SYNE1: variants seen among roughly 807,000 people sequenced by gnomAD.
The protein encoded by SYNE1 is spectrin repeat containing nuclear envelope protein 1.
In SYNE1, 616 loss-of-function variants were observed where a neutral mutation model predicts 1,111.0. That is an observed-to-expected ratio of 0.55 (90% confidence interval 0.52 to 0.59). SYNE1 has a LOEUF of 0.59. Among genes scored for constraint, SYNE1 ranks in the 20% least tolerant of loss-of-function variants. The pLI, the probability that SYNE1 is intolerant of heterozygous loss-of-function variation, is 0.00. For synonymous variants in SYNE1, 3,855 were observed against 3,825.8 expected (o/e 1.01, Z -0.28); for missense variants, 10,006 against 10,417.0 (o/e 0.96, Z 1.72).
chr6:152,249,098 T>C (rs2088327388), intron 105 of SYNE1, 63 bp downstream of exon 105: 3 of 1,133,036 alleles, frequency 2.6e-6, no homozygotes, highest in East Asian at 2.3e-5. Flanking sequence ...ATATTCAAAA[T>C]TTCATAGTAA....
rs78810354 is a variant in SYNE1 at position 152,313,346 on chromosome 6, G to A, written c.16711-2473C>T. ...TATTCTGTGACTAAGAATGCCTGAC[G>A]TGGGAATGCTACCCAATAGGTGTCA... On this transcript the variant is annotated intron_variant, in intron 87 of 145. Transcript: ENST00000367255. Among the ~76,000 whole-genome samples the A allele has an allele frequency of 6.3e-3, 965 of 152,152 alleles. 11 individuals carry two copies. The highest frequency in any genetic ancestry group is 0.022 in the African/African-American group (913 of 41,498).
chr6:152,439,171 T>C (rs995782964), intron 32 of SYNE1, among the ~76,000 whole-genome samples: 1 of 152,212 alleles, frequency 6.6e-6, no homozygotes, highest in Non-Finnish European at 1.5e-5. Flanking sequence ...TCCCAAAGCA[T>C]AGAAGACCAT....
At position 152,131,959 on chromosome 6, in the gene SYNE1, G is replaced by A. The variant is rs2295193; in HGVS notation, c.26094+163C>T. On this transcript the variant is annotated intron_variant, in intron 144 of 145. Transcript: ENST00000367255. ...ATCGCTCTTTTCCATTCCTGAGCGC[G>A]TGCTGGGAGGGGATGTGGCAGGGCT... 0.61 allele frequency among the ~76,000 whole-genome samples: 92,878 copies of A among 151,972 alleles called. 28,917 individuals are homozygous for A. Among genetic ancestry groups the A allele is most frequent in the East Asian group, 0.74 (3,794 of 5,150 alleles).
chr6:152,259,703 G>A (rs1470549003), intron 101 of SYNE1, among the ~76,000 whole-genome samples: 1 of 152,000 alleles, frequency 6.6e-6, no homozygotes, highest in Non-Finnish European at 1.5e-5. Flanking sequence ...CTTAAAATGT[G>A]CTCATTATAT....
chr6:152,282,973 T>C (rs964953445), intron 96 of SYNE1, among the ~76,000 whole-genome samples: 5 of 152,138 alleles, frequency 3.3e-5, no homozygotes, highest in Admixed American at 2.0e-4. Context: ...ATTCAGTTCA[T>C]ATAATAAGAA....
intron 126 of SYNE1, among the ~76,000 whole-genome samples, chr6:152,204,565 T>A (rs1410520510): frequency 6.6e-6 from 1 of 152,064 alleles, no homozygotes; most frequent in Non-Finnish European, 1.5e-5. Context: ...AAAAATAGAC[T>A]AAAATGAGGC....
In SYNE1 at chr6:152,440,999, T is replaced by C. The variant is rs11965569; in HGVS notation, c.4149+131A>G. 5.9e-3 allele frequency: 6,443 copies of C among 1,098,324 alleles called. 306 individuals are homozygous for C. In the African/African-American group the frequency reaches 0.091, roughly 16 times the overall value. 68.0% of individuals were successfully genotyped at this position (1,098,324 alleles called of 1,614,324 possible). A position where few individuals can be genotyped will look rare whatever the true frequency, so the allele number is the denominator to read the frequency against. On this transcript the variant is annotated intron_variant, in intron 32 of 145. Coordinates refer to ENST00000367255, the MANE Select transcript of SYNE1 (RefSeq NM_182961.4). ...TTCATTCTCCAATATGTTGAAAGAATGGGTCATCAATAAATAGTAAGTATT... is the reference window on the plus strand; with the variant it reads ...TTCATTCTCCAATATGTTGAAAGAACGGGTCATCAATAAATAGTAAGTATT...
chr6:152,126,587 C>CA (rs1211232073), intron 145 of SYNE1: 5 of 152,048 alleles, frequency 3.3e-5, no homozygotes, highest in Admixed American at 1.3e-4. Flanking sequence ...TTCTGTCCAG[C>CA]AAAAAACGTG....
intron 95 of SYNE1, among the ~76,000 whole-genome samples, chr6:152,290,974 T>C (rs970887208): frequency 8.6e-5 from 13 of 151,686 alleles, no homozygotes; most frequent in African/African-American, 3.1e-4. Flanking sequence ...AGATGAAATA[T>C]GTGATGATAC....
chr6:152,253,568 A>G (rs2089919492), intron 104 of SYNE1, among the ~76,000 whole-genome samples: 1 of 152,214 alleles, frequency 6.6e-6, no homozygotes, highest in African/African-American at 2.4e-5. Context: ...AGCTTTGGAG[A>G]CTACATGTTT....
chr6:152,435,644 T>C (rs2098467259), intron 33 of SYNE1: 1 of 429,188 alleles, frequency 2.3e-6, no homozygotes, highest in Non-Finnish European at 4.1e-6. Flanking sequence ...TTAGTTCTTT[T>C]TCAAGATTCC....
At chr6:152,155,286 T>C (rs1049699572) in intron 132 of SYNE1, 11 of 496,504 alleles carry the variant, frequency 2.2e-5, no homozygotes, top group African/African-American at 1.9e-4. Flanking sequence ...ATTAGTCAAA[T>C]TGAAAATTAC....
chr6:152,274,805 A>G (rs1283297751), intron 98 of SYNE1, among the ~76,000 whole-genome samples: 1 of 152,146 alleles, frequency 6.6e-6, no homozygotes, highest in Non-Finnish European at 1.5e-5. Context: ...TATGTTGGCT[A>G]GGCTGGTCTC....
chr6:152,262,600 A>G (rs1223618371), intron 100 of SYNE1, among the ~76,000 whole-genome samples: 1 of 152,296 alleles, frequency 6.6e-6, no homozygotes, highest in East Asian at 1.9e-4. Context: ...GGAGGGTACA[A>G]CAGGACACAG....
intron 73 of SYNE1, among the ~76,000 whole-genome samples, chr6:152,344,875 A>C (rs2096603819): frequency 6.6e-6 from 1 of 152,242 alleles, no homozygotes; most frequent in African/African-American, 2.4e-5. Context: ...AGACATATTA[A>C]GAAAAATTAT....
At chr6:152,531,506 A>G (rs1564675213) in intron 4 of SYNE1, among the ~76,000 whole-genome samples, 1 of 152,222 alleles carries the variant, frequency 6.6e-6, no homozygotes, top group Non-Finnish European at 1.5e-5. Flanking sequence ...ATGTGCTAAA[A>G]TACACATAAT....
rs570916267 is a variant in SYNE1, at chr6:152,155,026, G to A, written c.23995C>T (p.Arg7999Ter). 1 of 1,613,984 alleles carries A rather than the reference G, an allele frequency of 6.2e-7. No individual in the cohort carries two copies. ...ERRLKIEETW[R>*]LWQKFLDDYS... ...TCATCCAGAAATTTCTGCCACAATCGCCACGTCTCTTCGATTCTGGGGCGG... is the reference window on the plus strand; with the variant it reads ...TCATCCAGAAATTTCTGCCACAATCACCACGTCTCTTCGATTCTGGGGCGG... The change falls in exon 133 of 146, where the codon CGA (arginine) becomes TGA (stop). Residue 7999 changes from arginine (R) to a stop codon, truncating the protein, a stop_gained. Transcript: ENST00000367255. LOFTEE classifies it high-confidence loss of function.
chr6:152,494,158 A>G (rs931433647), intron 11 of SYNE1, among the ~76,000 whole-genome samples: 10 of 152,204 alleles, frequency 6.6e-5, no homozygotes, highest in African/African-American at 2.2e-4. Context: ...TTTAGAGGCC[A>G]TCAAAATCAC....
chr6:152,349,707 C>A (rs761202632), intron 72 of SYNE1, among the ~76,000 whole-genome samples: 5 of 152,146 alleles, frequency 3.3e-5, no homozygotes, highest in Non-Finnish European at 5.9e-5. Context: ...GTCTCCCCAC[C>A]CAAATCTCAT....
Sources: gnomAD v4.1 joint callset for allele counts (sites outside exome capture counted in the v4.1 genomes callset) on GRCh38, gnomAD v4.1.1 for gene constraint, MANE v1.5 for transcripts, NCBI Gene and HGNC (gene_info 2026-07-23, HGNC 2026-07-21) for gene names.